Variants in PTN observed in about 807,000 individuals in gnomAD.
PTN encodes the protein heparin affin regulatory protein.
PTN carries 18 observed loss-of-function variants against 24.1 expected under a neutral mutation model. The observed-to-expected ratio is 0.75, with a 90% CI of 0.52 to 1.11. PTN has a LOEUF of 1.11. PTN is among the 50% of genes least tolerant of loss of function. The probability of loss-of-function intolerance (pLI) is 0.00; values close to 1 mark genes in which losing one functional copy is unlikely to be tolerated. For synonymous variants in PTN, 78 were observed against 68.6 expected (o/e 1.14, Z -0.67); for missense variants, 163 against 198.8 (o/e 0.82, Z 1.08).
intron 1 of PTN, among the ~76,000 whole-genome samples, chr7:137,328,383 A>T (rs1376999230): frequency 6.6e-6 from 1 of 152,236 alleles, no homozygotes; most frequent in Non-Finnish European, 1.5e-5. Context: ...GCTGCAGGGC[A>T]TGGAGAATCC....
At chr7:137,320,023 ATCTC>A (rs767041401) in intron 1 of PTN, among the ~76,000 whole-genome samples, 22 of 152,166 alleles carry the variant, frequency 1.4e-4, no homozygotes, top group Non-Finnish European at 2.8e-4. Flanking sequence ...CAGAAAACAA[ATCTC>A]TCTCTCTTTC....
intron 1 of PTN, among the ~76,000 whole-genome samples, chr7:137,260,939 T>C (rs1164483732): frequency 6.6e-6 from 1 of 152,170 alleles, no homozygotes; most frequent in African/African-American, 2.4e-5. Flanking sequence ...AAGAAATGTT[T>C]TCCTTCATCT....
chr7:137,311,315 G>A (rs770927459), intron 1 of PTN, among the ~76,000 whole-genome samples: 1 of 151,460 alleles, frequency 6.6e-6, no homozygotes, highest in East Asian at 1.9e-4. Flanking sequence ...TGTTGTGATT[G>A]GTTTGAACTT....
chr7:137,268,541 G>C (rs1257989533), intron 1 of PTN, among the ~76,000 whole-genome samples: 1 of 152,186 alleles, frequency 6.6e-6, no homozygotes, highest in South Asian at 2.1e-4. Context: ...GCAAGCCAGG[G>C]GGTACGTGAT....
intron 1 of PTN, 122 bp from the exon 2 acceptor site, chr7:137,255,096 T>A: frequency 1.7e-6 from 1 of 577,698 alleles, no homozygotes; most frequent in Non-Finnish European, 2.8e-6. Context: ...TCAGGAAGAT[T>A]CATATCAATT....
At chr7:137,311,483 C>T (rs1445835177) in intron 1 of PTN, among the ~76,000 whole-genome samples, 1 of 152,184 alleles carries the variant, frequency 6.6e-6, no homozygotes, top group South Asian at 2.1e-4. Flanking sequence ...TTTGGCCTAT[C>T]TTGACTTCTG....
chr7:137,272,851 G>A (rs1419663061), intron 1 of PTN, among the ~76,000 whole-genome samples: 1 of 152,234 alleles, frequency 6.6e-6, no homozygotes, highest in Non-Finnish European at 1.5e-5. Flanking sequence ...CTGTTTGATT[G>A]ATTCACATAC....
intron 4 of PTN, among the ~76,000 whole-genome samples, chr7:137,248,393 AAT>A (rs1276291600): frequency 6.6e-6 from 1 of 152,100 alleles, no homozygotes; most frequent in African/African-American, 2.4e-5. Context: ...CTAAAATAAG[AAT>A]ATTCTTTTTT....
chr7:137,324,451 T>TATATATATATATATATATATATAA (rs1460014447), intron 1 of PTN, among the ~76,000 whole-genome samples: 2 of 133,336 alleles, frequency 1.5e-5, no homozygotes, highest in African/African-American at 6.5e-5. Context: ...TATATATATA[T>TATATATATATATATATATATATAA]AAATTAACCT....
chr7:137,268,977 A>G (rs1295773642), intron 1 of PTN, among the ~76,000 whole-genome samples: 1 of 152,114 alleles, frequency 6.6e-6, no homozygotes, highest in East Asian at 1.9e-4. Context: ...TAGGTTACAA[A>G]GATTTTTGTT....
intron 1 of PTN, among the ~76,000 whole-genome samples, chr7:137,293,979 T>C (rs905679380): frequency 6.6e-6 from 1 of 152,116 alleles, no homozygotes; most frequent in Non-Finnish European, 1.5e-5. Flanking sequence ...TTTTGATATA[T>C]CATGCAAGCA....
intron 1 of PTN, among the ~76,000 whole-genome samples, chr7:137,317,280 T>G (rs893753229): frequency 4.5e-4 from 69 of 152,176 alleles, no homozygotes; most frequent in African/African-American, 1.6e-3. Context: ...TTGGGTACCC[T>G]CGGTGCAGAA....
chr7:137,246,005 A>G (rs1808716880), intron 4 of PTN, among the ~76,000 whole-genome samples: 1 of 152,164 alleles, frequency 6.6e-6, no homozygotes, highest in South Asian at 2.1e-4. Flanking sequence ...AGAAAGAAAA[A>G]TATCTTCTCA....
At chr7:137,290,426 T>C (rs536189582) in intron 1 of PTN, among the ~76,000 whole-genome samples, 8 of 152,318 alleles carry the variant, frequency 5.3e-5, no homozygotes, top group Non-Finnish European at 1.2e-4. Flanking sequence ...GTAAAAAATA[T>C]AATCAATTTC....
chr7:137,276,874 T>C (rs963971560), intron 1 of PTN, among the ~76,000 whole-genome samples: 25 of 152,226 alleles, frequency 1.6e-4, no homozygotes, highest in African/African-American at 6.0e-4. Context: ...TTTTCTCAGT[T>C]TGATACTTAG....
intron 1 of PTN, among the ~76,000 whole-genome samples, chr7:137,305,694 G>T (rs1809876404): frequency 6.6e-6 from 1 of 152,048 alleles, no homozygotes; most frequent in African/African-American, 2.4e-5. Context: ...TGAAGAAAAT[G>T]ATGTATTACC....
At chr7:137,306,783 C>G (rs1390266956) in intron 1 of PTN, among the ~76,000 whole-genome samples, 2 of 152,076 alleles carry the variant, frequency 1.3e-5, no homozygotes, top group Non-Finnish European at 2.9e-5. Context: ...TAAAATCTGA[C>G]TTACTGTTTT....
chr7:137,282,909 T>A (rs1360940653), intron 1 of PTN, among the ~76,000 whole-genome samples: 1 of 152,254 alleles, frequency 6.6e-6, no homozygotes, highest in East Asian at 1.9e-4. Flanking sequence ...ACAAAAAATA[T>A]TAGAAGTCCT....
intron 1 of PTN, among the ~76,000 whole-genome samples, chr7:137,332,082 T>C (rs965795774): frequency 1.3e-5 from 2 of 152,222 alleles, no homozygotes; most frequent in Non-Finnish European, 2.9e-5. Flanking sequence ...AATTGGCTCA[T>C]TTGGTAGAAT....
Sources: allele counts gnomAD v4.1 joint callset (sites outside exome capture counted in the v4.1 genomes callset), GRCh38; gene constraint gnomAD v4.1.1; transcripts MANE v1.5; gene names NCBI Gene and HGNC (gene_info 2026-07-23, HGNC 2026-07-21).